Variants in SCARB1 observed in about 807,000 individuals in gnomAD.
SCARB1 encodes scavenger receptor class B member 1.
SCARB1 carries 30 observed loss-of-function variants against 57.2 expected under a neutral mutation model. The observed-to-expected ratio is 0.52, with a 90% confidence interval of 0.39 to 0.71. SCARB1 has a LOEUF of 0.71. Ranked by LOEUF, SCARB1 falls within the 30% of genes least tolerant of loss-of-function variation. The pLI, the probability that SCARB1 is intolerant of heterozygous loss-of-function variation, is 0.00. For synonymous variants in SCARB1, 249 were observed against 268.3 expected, an observed-to-expected ratio of 0.93 and a Z score of 0.70; for missense variants, 543 against 671.2, an observed-to-expected ratio of 0.81 and a Z score of 2.11.
Position 124,818,007 on chromosome 12 carries a change from C to A in SCARB1, c.127-300G>T, listed in dbSNP as rs11057826. ...GGGCCCATGCACCACCTAAAGGGAG[C>A]GCCGGAGCTCAGGGTAGCGGATGGG... On this transcript the variant is annotated intron_variant, in intron 1 of 12. Coordinates refer to ENST00000261693, the MANE Select transcript of SCARB1 (RefSeq NM_005505.5). Among the ~76,000 whole-genome samples the A allele has an allele frequency of 0.032, 4,863 of 152,282 alleles. 608 individuals are homozygous for A. The East Asian group carries it at 0.4, about 13-fold the overall frequency.
In SCARB1 at chr12:124,786,494, T is replaced by C; in HGVS notation, c.1264A>G (p.Met422Val). 6.2e-7 allele frequency: 1 copy of C among 1,614,026 alleles called. No individual in the cohort carries two copies. The highest frequency in any genetic ancestry group is 8.5e-7 in the Non-Finnish European group (1 of 1,180,000). ...AATGTGTGAAGAGTCTCCCCCTCCA[T>C]GGCCCCGCTCTGAGGAGACAGAATG... ...PLLWFAESGAMEGETLHTFYT... is the reference protein window; with the variant it reads ...PLLWFAESGAVEGETLHTFYT... The change falls in exon 11 of 13, where the codon ATG becomes GTG. Residue 422 changes from methionine (M) to valine (V), a missense_variant. By Grantham distance (21) the Met-to-Val change is conservative. Transcript: ENST00000261693.
rs759334503 is a variant in SCARB1 at position 124,810,203 on chromosome 12, C to T, written c.813G>A (p.Ser271=). ...MWPPFMTPES[S]LEFYSPEACR... ...AGGCCTCCGGGCTGTAGAACTCCAG[C>T]GAGGACTCAGGAGTCATGAAGGGCG... Residue 271 remains serine, a synonymous_variant, in exon 6 of 13, where the codon TCG becomes TCA. Transcript: ENST00000261693. This position sits in a 1 kb window ranked among gnomAD's most constrained non-coding sequence, Gnocchi z 4.0. The T allele has an allele frequency of 2.4e-5, 38 of 1,613,468 alleles. No individual in the cohort carries two copies. The highest frequency in any genetic ancestry group is 3.0e-5 in the Non-Finnish European group (35 of 1,179,542).
Position 124,807,647 on chromosome 12 carries a change from G to T in SCARB1, c.1009+114C>A. Reference sequence around the variant, plus strand: ...CGGCCTCATTATCTTCGCCTAATGGGATTATCAAGAGTACAGAGGCCAGAG... The same window carrying T: ...CGGCCTCATTATCTTCGCCTAATGGTATTATCAAGAGTACAGAGGCCAGAG... On this transcript the variant is annotated intron_variant, in intron 7 of 12. Coordinates refer to ENST00000261693, the MANE Select transcript of SCARB1 (RefSeq NM_005505.5). This position sits in a 1 kb window ranked among gnomAD's most constrained non-coding sequence, Gnocchi z 5.3. 1.0e-6 allele frequency: 1 copy of T among 1,002,292 alleles called. No individual in the cohort carries two copies. Among genetic ancestry groups the T allele is most frequent in the Non-Finnish European group, 1.5e-6 (1 of 664,746 alleles). 62.1% of individuals were successfully genotyped at this position (1,002,292 alleles called of 1,614,324 possible).
intron 8 of SCARB1, among the ~76,000 whole-genome samples, chr12:124,797,551 G>C (rs1949985204): frequency 6.6e-6 from 1 of 152,218 alleles, no homozygotes; most frequent in East Asian, 1.9e-4. Context: ...AGCTAAAGTG[G>C]CTGCGGCAAA....
chr12:124,787,274 G>C, intron 10 of SCARB1, 132 bp downstream of exon 10: 1 of 769,516 alleles, frequency 1.3e-6, no homozygotes. Flanking sequence ...TGATACGCTG[G>C]TCCATGTCAC....
At chr12:124,781,998 C>T (rs970864221) in intron 12 of SCARB1, among the ~76,000 whole-genome samples, 15 of 152,124 alleles carry the variant, frequency 9.9e-5, no homozygotes, top group African/African-American at 2.2e-4. Context: ...CTCCATCTCC[C>T]GGGTTCAAGC....
At chr12:124,835,129 T>C (rs1349281408) in intron 1 of SCARB1, among the ~76,000 whole-genome samples, 1 of 152,050 alleles carries the variant, frequency 6.6e-6, no homozygotes, top group East Asian at 1.9e-4. Flanking sequence ...AGGCAATGTC[T>C]GACATGAGCC....
In SCARB1 at chr12:124,811,906, C is replaced by A; in HGVS notation, c.690G>T (p.Arg230Ser). The A allele has an allele frequency of 3.1e-6, 5 of 1,613,328 alleles. No homozygotes were observed. The highest frequency in any genetic ancestry group is 4.2e-6 in the Non-Finnish European group (5 of 1,179,728). Residue 230 changes from arginine to serine, a missense_variant, in exon 5 of 13, where the codon AGG becomes AGT. By Grantham distance (110) the Arg-to-Ser change is moderately radical. Coordinates refer to ENST00000261693, the MANE Select transcript of SCARB1 (RefSeq NM_005505.5). ...CGTTCCACTTGTCCACGAGGTGGAT[C>A]CTGCTGATGTTCTGGACCCCCGTGA... is the stretch of plus-strand genomic sequence containing the variant. ...TVFTGVQNIS[R>S]IHLVDKWNGL...
At chr12:124,815,212 G>A in intron 2 of SCARB1, 98 bp from the exon 3 acceptor site, 3 of 1,408,674 alleles carry the variant, frequency 2.1e-6, no homozygotes, top group Non-Finnish European at 2.0e-6. Flanking sequence ...AGGGGCCCTG[G>A]ACGTCTGTGC....
intron 7 of SCARB1, among the ~76,000 whole-genome samples, chr12:124,801,155 T>G (rs1950115128): frequency 6.6e-6 from 1 of 152,138 alleles, no homozygotes. Context: ...GCCGTGACCG[T>G]GCCACTGCAC....
chr12:124,779,973 G>A (rs549268184), intron 12 of SCARB1, among the ~76,000 whole-genome samples: 80 of 152,320 alleles, frequency 5.3e-4, no homozygotes, highest in Non-Finnish European at 8.2e-4. Context: ...CCAAAGAGCC[G>A]TGACTTGAGA....
At chr12:124,846,654 C>A (rs1444826464) in intron 1 of SCARB1, among the ~76,000 whole-genome samples, 1 of 146,108 alleles carries the variant, frequency 6.8e-6, no homozygotes, top group African/African-American at 2.5e-5. Flanking sequence ...TTGCTTGAAC[C>A]CGGGGGGCAG....
chr12:124,848,775 G>A (rs980604747), intron 1 of SCARB1, among the ~76,000 whole-genome samples: 1 of 152,210 alleles, frequency 6.6e-6, no homozygotes, highest in Non-Finnish European at 1.5e-5. Context: ...GAGAATCAGA[G>A]CGTGATCATC....
At chr12:124,840,824 C>T (rs1042406014) in intron 1 of SCARB1, among the ~76,000 whole-genome samples, 5 of 152,188 alleles carry the variant, frequency 3.3e-5, no homozygotes, top group African/African-American at 1.2e-4. Flanking sequence ...TCCCCGCTTC[C>T]AGCCTGGCCC....
Position 124,786,419 on chromosome 12 carries a change from C to T in SCARB1, c.1339G>A (p.Val447Ile), listed in dbSNP as rs779551591. 1.1e-5 allele frequency: 18 copies of T among 1,614,042 alleles called. No individual in the cohort carries two copies. Among genetic ancestry groups the T allele is most frequent in the African/African-American group, 2.7e-5 (2 of 74,932 alleles). Residue 447 changes from valine (V) to isoleucine (I), a missense_variant, in exon 11 of 13, where the codon GTC becomes ATC. Val to Ile is a conservative substitution (Grantham distance 29). Coordinates refer to ENST00000261693, the MANE Select transcript of SCARB1 (RefSeq NM_005505.5). ...AGGACGCAGCCCAGCGCCAGGAGGA[C>T]GTACTGGGCATAGTGCATCACCTTG... ...MPKVMHYAQY[V>I]LLALGCVLLL...
At position 124,796,908 on chromosome 12, in the gene SCARB1, T is replaced by C. The variant is rs1949961872; in HGVS notation, c.1129-1640A>G. On this transcript the variant is annotated intron_variant, in intron 8 of 12. Coordinates refer to ENST00000261693, the MANE Select transcript of SCARB1 (RefSeq NM_005505.5). This position sits in a 1 kb window ranked among gnomAD's most constrained non-coding sequence, Gnocchi z 4.0. ...TTCTGCTGGCATCTGGGAACCCAGA[T>C]TTCAGGAGGGTCCCCACCATCCCCT... 6.6e-6 allele frequency among the ~76,000 whole-genome samples: 1 copy of C among 152,188 alleles called. No individual in the cohort carries two copies. Among genetic ancestry groups the C allele is most frequent in the Admixed American group, 6.5e-5 (1 of 15,280 alleles).
At chr12:124,861,000 C>A (rs1426505189) in intron 1 of SCARB1, among the ~76,000 whole-genome samples, 1 of 152,076 alleles carries the variant, frequency 6.6e-6, no homozygotes. Context: ...AGAAAAGGGT[C>A]TAGAAAGATC....
At position 124,795,130 on chromosome 12, in the gene SCARB1, A is replaced by G. The variant is rs1566149933; in HGVS notation, c.1202+65T>C. 3 of 1,338,534 alleles carry G rather than the reference A, an allele frequency of 2.2e-6. No individual in the cohort carries two copies. In the East Asian group the frequency reaches 6.9e-5, roughly 31 times the overall value. The allele number at this position is 1,338,534 out of a possible 1,614,324, so 82.9% of individuals were successfully genotyped here. A position where few individuals can be genotyped will look rare whatever the true frequency, so the allele number is the denominator to read the frequency against. ...GGGTATGTCACTGGAGTCTGGGACC[A>G]CTGGAGCACTGAGCACCTAATCTCT... On this transcript the variant is annotated intron_variant, in intron 9 of 12. Transcript: ENST00000261693.
At position 124,807,840 on chromosome 12, in the gene SCARB1, G is replaced by C; in HGVS notation, c.930C>G (p.Asn310Lys). Residue 310 changes from asparagine (N) to lysine (K), a missense_variant, in exon 7 of 13, where the codon AAC (asparagine) becomes AAG (lysine). Physicochemically the swap from Asn to Lys is moderately conservative, Grantham distance 94 (BLOSUM62 0). Coordinates refer to ENST00000261693, the MANE Select transcript of SCARB1 (RefSeq NM_005505.5). This position sits in a 1 kb window ranked among gnomAD's most constrained non-coding sequence, Gnocchi z 5.3. ...CTTCGTTGGGTGGGTAGATGGACCC[G>C]TTGGCAAACAGGGTTTTGGGAGCCA... Reference protein sequence around the residue: ...RFVAPKTLFANGSIYPPNEGF... With the variant: ...RFVAPKTLFAKGSIYPPNEGF... The C allele has an allele frequency of 6.2e-7, 1 of 1,614,114 alleles. No individual in the cohort carries two copies. The highest frequency in any genetic ancestry group is 8.5e-7 in the Non-Finnish European group (1 of 1,179,980).
Sources: gnomAD v4.1 joint callset for allele counts (sites outside exome capture counted in the v4.1 genomes callset) on GRCh38, gnomAD v4.1.1 for gene constraint, Gnocchi (gnomAD v3.1) non-coding constraint, MANE v1.5 for transcripts, NCBI Gene and HGNC (gene_info 2026-07-23, HGNC 2026-07-21) for gene names.